The following AMPD1 variants were observed in gnomAD, a reference collection of about 807,000 sequenced individuals.
AMPD1 encodes adenosine monophosphate deaminase 1, also known as AMP deaminase 1.
Under a neutral mutation model 82.9 loss-of-function variants are expected in AMPD1, and 74 were observed. The ratio of observed to expected loss-of-function variants is 0.89; its 90% CI spans 0.74 to 1.08. The LOEUF (loss-of-function observed/expected upper bound fraction) is 1.08, where lower values mean the gene tolerates loss of function less well. Ranked by LOEUF, AMPD1 falls within the 50% of genes least tolerant of loss-of-function variation. AMPD1 has a pLI of 0.00. For synonymous variants in AMPD1, 333 were observed against 320.5 expected (o/e 1.04, Z -0.42); for missense variants, 881 against 924.5 (o/e 0.95, Z 0.61).
In AMPD1 at chr1:114,686,781, A is replaced by G; in HGVS notation, c.345T>C (p.Phe115=). The G allele has an allele frequency of 1.9e-6, 3 of 1,614,158 alleles. No homozygotes were observed. In the South Asian group the frequency reaches 3.3e-5, roughly 18 times the overall value. The part of the protein sequence containing the change: ...SSPTYQTVPD[F]QRVQITGDYA... ...AGTCACCAGTAATCTGCACTCTCTG[A>G]AAATCAGGCACGGTCTGGTAGGTTG... Residue 115 remains phenylalanine (F), a synonymous_variant, in exon 4 of 16, where the codon TTT becomes TTC. Coordinates refer to ENST00000520113, the MANE Select transcript of AMPD1 (RefSeq NM_000036.3).
chr1:114,695,542 C>T lies in AMPD1; in HGVS notation c.-71G>A, dbSNP rs760625893. On this transcript the variant is annotated 5_prime_UTR_variant, in exon 1 of 16. Coordinates refer to ENST00000520113, the MANE Select transcript of AMPD1 (RefSeq NM_000036.3). ...AGAGAGGAGACTGTGGGGTGACTGACTGACACTATAAAATATCCTGACATT... is the reference window on the plus strand; with the variant it reads ...AGAGAGGAGACTGTGGGGTGACTGATTGACACTATAAAATATCCTGACATT... 3.1e-6 allele frequency: 5 copies of T among 1,614,138 alleles called. No homozygotes were observed. The highest frequency in any genetic ancestry group is 4.2e-6 in the Non-Finnish European group (5 of 1,180,018).
chr1:114,693,377 G>A, intron 2 of AMPD1, 59 bp downstream of exon 2: 3 of 1,521,286 alleles, frequency 2.0e-6, no homozygotes, highest in Non-Finnish European at 2.7e-6. Flanking sequence ...TTAAGGAATA[G>A]TATCATTTTT....
chr1:114,687,029 G>T lies in AMPD1; in HGVS notation c.216-119C>A, dbSNP rs575013743. 3.6e-6 allele frequency: 4 copies of T among 1,114,068 alleles called. No homozygotes were observed. In the South Asian group the frequency reaches 3.9e-5, roughly 11 times the overall value. The allele number at this position is 1,114,068 out of a possible 1,614,324, so 69.0% of individuals were successfully genotyped here. ...GGACAAAAAGTAAAAATTAAAATGT[G>T]GTTGGGTATCAGAAACAGGATCCAA... On this transcript the variant is annotated intron_variant, in intron 3 of 15. Coordinates refer to ENST00000520113, the MANE Select transcript of AMPD1 (RefSeq NM_000036.3).
intron 2 of AMPD1, among the ~76,000 whole-genome samples, chr1:114,693,208 A>G (rs1238780893): frequency 6.7e-6 from 1 of 148,958 alleles, no homozygotes; most frequent in Non-Finnish European, 1.5e-5. Flanking sequence ...AAAATTATAT[A>G]TAATTATATA....
At chr1:114,675,187 T>C (rs905534341) in intron 12 of AMPD1, among the ~76,000 whole-genome samples, 3 of 152,150 alleles carry the variant, frequency 2.0e-5, no homozygotes, top group Non-Finnish European at 4.4e-5. Flanking sequence ...GAGAAATGTT[T>C]CCAGAAAACT....
chr1:114,687,547 A>G (rs775531984), intron 3 of AMPD1, among the ~76,000 whole-genome samples: 1 of 152,218 alleles, frequency 6.6e-6, no homozygotes, highest in Non-Finnish European at 1.5e-5. Context: ...GAAAGACAGC[A>G]GAATAGTCTT....
rs772529344 is a variant in AMPD1 at position 114,675,911 on chromosome 1, T to C, written c.1481A>G (p.Gln494Arg). Residue 494 changes from glutamine to arginine, a missense_variant, in exon 11 of 16, where the codon CAG (glutamine) becomes CGG (arginine). Gln to Arg is a conservative substitution (Grantham distance 43, BLOSUM62 1). Coordinates refer to ENST00000520113, the MANE Select transcript of AMPD1 (RefSeq NM_000036.3). Reference protein sequence around the residue: ...MPVFEATINPQADPELSVFLK... With the variant: ...MPVFEATINPRADPELSVFLK... ...GAAGACACTGAGTTCTGGGTCAGCC[T>C]GGGGGTTGATGGTGGCCTCAAACAC... 6.2e-7 allele frequency: 1 copy of C among 1,614,166 alleles called. No homozygotes were observed. Among genetic ancestry groups the C allele is most frequent in the South Asian group, 1.1e-5 (1 of 91,088 alleles).
intron 9 of AMPD1, 72 bp from the exon 10 acceptor site, chr1:114,677,586 T>A (rs1484800760): frequency 1.3e-6 from 2 of 1,590,426 alleles, no homozygotes; most frequent in Non-Finnish European, 1.7e-6. Flanking sequence ...GAGAGGAGAT[T>A]CCCTTTCTAA....
At chr1:114,684,406 C>G (rs769079329) in intron 4 of AMPD1, 42 bp from the exon 5 acceptor site, 4 of 1,605,376 alleles carry the variant, frequency 2.5e-6, no homozygotes, top group Non-Finnish European at 3.4e-6. Context: ...GTCAATCCCA[C>G]GAAAAACTGA....
chr1:114,680,194 G>T, intron 6 of AMPD1, 65 bp downstream of exon 6: 2 of 1,337,248 alleles, frequency 1.5e-6, no homozygotes, highest in Non-Finnish European at 2.2e-6. Flanking sequence ...AGTAGAAGTA[G>T]TACTAGTTGT....
chr1:114,688,242 C>T (rs568096997), intron 3 of AMPD1, among the ~76,000 whole-genome samples: 7 of 152,130 alleles, frequency 4.6e-5, no homozygotes, highest in African/African-American at 9.7e-5. Flanking sequence ...ATTCTCCTGC[C>T]TCAACCTCCC....
Position 114,680,267 on chromosome 1 carries a change from T to C in AMPD1, c.759A>G (p.Gln253=). 6.2e-7 allele frequency: 1 copy of C among 1,613,672 alleles called. No individual in the cohort carries two copies. Among genetic ancestry groups the C allele is most frequent in the Non-Finnish European group, 8.5e-7 (1 of 1,180,002 alleles). ...TCTCACTAAACACTTACACAGGTCC[T>C]TGAGCAATTAAAGCAAGTAAAAAAT... ...DMNFLLALIA[Q]GPVKTYTHRR... is the part of the protein sequence containing the mutation. The change falls in exon 6 of 16, where the codon CAA becomes CAG. Residue 253 remains glutamine, a synonymous_variant. Coordinates refer to ENST00000520113, the MANE Select transcript of AMPD1 (RefSeq NM_000036.3).
rs574486032 is a variant in AMPD1 at position 114,694,091 on chromosome 1, C to T, written c.23-644G>A. 1.1e-4 allele frequency among the ~76,000 whole-genome samples: 16 copies of T among 152,074 alleles called. No individual in the cohort carries two copies. In the East Asian group the frequency reaches 1.4e-3, roughly 13 times the overall value. ...AAAATTAGCCGGGCGTGGTGGCAGGCGCCTGTAGTCCCAACTACTCGGGAG... is the reference window on the plus strand; with the variant it reads ...AAAATTAGCCGGGCGTGGTGGCAGGTGCCTGTAGTCCCAACTACTCGGGAG... On this transcript the variant is annotated intron_variant, in intron 1 of 15. Coordinates refer to ENST00000520113, the MANE Select transcript of AMPD1 (RefSeq NM_000036.3).
chr1:114,675,421 T>C (rs1657950992), intron 12 of AMPD1, 109 bp downstream of exon 12: 2 of 1,233,418 alleles, frequency 1.6e-6, no homozygotes, highest in Non-Finnish European at 1.2e-6. Context: ...TTTGGGCCAA[T>C]TGGAACCATC....
chr1:114,693,652 G>A (rs1463979326), intron 1 of AMPD1, among the ~76,000 whole-genome samples: 2 of 151,986 alleles, frequency 1.3e-5, no homozygotes, highest in Non-Finnish European at 2.9e-5. Flanking sequence ...TTTCTAATAT[G>A]TCTCTTAACA....
rs368208363 is a variant in AMPD1 at position 114,677,994 on chromosome 1, A to G, written c.1140T>C (p.Asn380=). Residue 380 remains asparagine, a synonymous_variant, in exon 9 of 16, where the codon AAT becomes AAC. Transcript: ENST00000520113. The part of the protein sequence containing the change: ...QRFDKFNDKY[N]PVGASELRDL... ...CCCGTAGCTCACTTGCTCCTACAGG[A>G]TTATATTTGTCATTGAACTTATCAA... is the stretch of plus-strand genomic sequence containing the variant. 3 of 1,613,974 alleles carry G rather than the reference A, an allele frequency of 1.9e-6. No individual in the cohort carries two copies.
chr1:114,693,970 G>A (rs999464910), intron 1 of AMPD1, among the ~76,000 whole-genome samples: 1 of 152,176 alleles, frequency 6.6e-6, no homozygotes, highest in Non-Finnish European at 1.5e-5. Flanking sequence ...GGGAGGCCGA[G>A]GCTGGCAGAT....
At chr1:114,675,844 C>T (rs1570838276) in intron 11 of AMPD1, 33 bp downstream of exon 11, 1 of 1,613,956 alleles carries the variant, frequency 6.2e-7, no homozygotes, top group South Asian at 1.1e-5. Flanking sequence ...GGTTCATGAG[C>T]AGCAGTATGA....
intron 2 of AMPD1, among the ~76,000 whole-genome samples, chr1:114,692,686 T>A (rs143546816): frequency 5.7e-4 from 86 of 149,878 alleles, no homozygotes; most frequent in African/African-American, 2.0e-3. Context: ...TCTCAAAAAA[T>A]AAATAAATAA....
Sources: allele counts gnomAD v4.1 joint callset (sites outside exome capture counted in the v4.1 genomes callset), GRCh38; gene constraint gnomAD v4.1.1; transcripts MANE v1.5; gene names NCBI Gene and HGNC (gene_info 2026-07-23, HGNC 2026-07-21).